Variants in CARMIL1 observed in about 807,000 individuals in gnomAD.
CARMIL1 encodes F-actin-uncapping protein LRRC16A.
In CARMIL1, 90 loss-of-function variants were observed where a neutral mutation model predicts 177.1. The observed-to-expected ratio is 0.51, with a 90% confidence interval of 0.43 to 0.61. The LOEUF (loss-of-function observed/expected upper bound fraction) is 0.61, where lower values mean the gene tolerates loss of function less well. CARMIL1 is among the 20% of genes least tolerant of loss of function. The pLI is 0.00. For synonymous variants in CARMIL1, 577 were observed against 606.2 expected (o/e 0.95, Z 0.71); for missense variants, 1,380 against 1,667.0 (o/e 0.83, Z 3.00).
rs569021467 is a variant in CARMIL1, at chr6:25,433,453, A to G, written c.250-2030A>G. The stretch of plus-strand genomic sequence containing the variant: ...AAGTGTCTGGCTTTTAAAAACATGC[A>G]TATGCACAGATATGTGCATATGAAA... On this transcript the variant is annotated intron_variant, in intron 4 of 36. Transcript: ENST00000329474. Among the ~76,000 whole-genome samples the G allele has an allele frequency of 1.2e-3, 182 of 152,340 alleles. 1 individual carries two copies. The highest frequency in any genetic ancestry group is 4.2e-3 in the African/African-American group (174 of 41,584).
chr6:25,593,839 A>G (rs2151290961), intron 31 of CARMIL1, among the ~76,000 whole-genome samples: 1 of 152,296 alleles, frequency 6.6e-6, no homozygotes, highest in Middle Eastern at 3.4e-3. Flanking sequence ...CACCAGGATT[A>G]TATCCCACTC....
At chr6:25,579,033 T>G (rs1812869606) in intron 29 of CARMIL1, among the ~76,000 whole-genome samples, 1 of 151,846 alleles carries the variant, frequency 6.6e-6, no homozygotes. Context: ...TATTCACAGA[T>G]GGACATGAGT....
intron 12 of CARMIL1, among the ~76,000 whole-genome samples, chr6:25,483,978 G>A (rs995956100): frequency 2.6e-5 from 4 of 151,848 alleles, no homozygotes; most frequent in African/African-American, 7.3e-5. Flanking sequence ...GGCCAGTCTC[G>A]AACTCCTGAG....
At chr6:25,593,849 C>T (rs1379200947) in intron 31 of CARMIL1, among the ~76,000 whole-genome samples, 1 of 152,188 alleles carries the variant, frequency 6.6e-6, no homozygotes, top group South Asian at 2.1e-4. Flanking sequence ...ATATCCCACT[C>T]CCATGCCTGT....
At chr6:25,366,603 G>C (rs1434570246) in intron 2 of CARMIL1, among the ~76,000 whole-genome samples, 1 of 150,694 alleles carries the variant, frequency 6.6e-6, no homozygotes, top group Non-Finnish European at 1.5e-5. Context: ...GCTCACTGCT[G>C]TATATCCAAC....
chr6:25,539,730 A>G (rs759444083), intron 25 of CARMIL1, among the ~76,000 whole-genome samples: 2 of 151,796 alleles, frequency 1.3e-5, no homozygotes, highest in Non-Finnish European at 2.9e-5. Context: ...AAAGTCTCCT[A>G]ATACCCAGTC....
chr6:25,433,953 T>TAATG (rs1206219438), intron 4 of CARMIL1, among the ~76,000 whole-genome samples: 1 of 152,250 alleles, frequency 6.6e-6, no homozygotes, highest in Non-Finnish European at 1.5e-5. Context: ...AAAACTGCAT[T>TAATG]GCACATTATA....
intron 35 of CARMIL1, among the ~76,000 whole-genome samples, chr6:25,608,801 G>A (rs866673597): frequency 2.2e-4 from 33 of 152,200 alleles, no homozygotes; most frequent in South Asian, 6.2e-4. Flanking sequence ...TGAAGAGAAC[G>A]TGGCTGTAGA....
chr6:25,371,936 GAGAT>G (rs1562048851), intron 2 of CARMIL1, among the ~76,000 whole-genome samples: 1 of 152,098 alleles, frequency 6.6e-6, no homozygotes, highest in Non-Finnish European at 1.5e-5. Context: ...TATATGGTGA[GAGAT>G]AGGGATCCAG....
intron 31 of CARMIL1, among the ~76,000 whole-genome samples, chr6:25,584,979 C>A (rs1251436942): frequency 6.6e-6 from 1 of 152,192 alleles, no homozygotes; most frequent in Admixed American, 6.5e-5. Context: ...GTTGTTTTCC[C>A]TTAGGGACTG....
At chr6:25,563,408 G>A (rs1811301639) in intron 29 of CARMIL1, 1 of 985,244 alleles carries the variant, frequency 1.0e-6, no homozygotes. Flanking sequence ...TGTAATTCTT[G>A]TCTGTATATA....
intron 16 of CARMIL1, among the ~76,000 whole-genome samples, chr6:25,496,231 A>C (rs1172014303): frequency 6.6e-6 from 1 of 152,072 alleles, no homozygotes. Flanking sequence ...TAATCTCAGC[A>C]CTCTGGGAGG....
chr6:25,297,056 T>C (rs1053586326), intron 2 of CARMIL1, among the ~76,000 whole-genome samples: 4 of 152,354 alleles, frequency 2.6e-5, no homozygotes, highest in Middle Eastern at 3.4e-3. Flanking sequence ...GCCTCCTGAG[T>C]GTCTGAGACT....
In CARMIL1 at chr6:25,326,472, A is replaced by G. The variant is rs746221277; in HGVS notation, c.138+41563A>G. On this transcript the variant is annotated intron_variant, in intron 2 of 36. Coordinates refer to ENST00000329474, the MANE Select transcript of CARMIL1 (RefSeq NM_017640.6). The surrounding 1 kb of genome is among the most constrained non-coding windows in gnomAD (Gnocchi z 4.2). ...CTGAGGCTTCTAAGTAGAGCATTAC[A>G]CTGTTAACAGTAGTGGGAGTGAGAG... Among the ~76,000 whole-genome samples the G allele has an allele frequency of 1.3e-5, 2 of 152,214 alleles. No individual in the cohort carries two copies. The highest frequency in any genetic ancestry group is 2.9e-5 in the Non-Finnish European group (2 of 68,034).
intron 29 of CARMIL1, among the ~76,000 whole-genome samples, chr6:25,566,056 T>C (rs771613598): frequency 1.1e-4 from 16 of 152,174 alleles, no homozygotes; most frequent in Admixed American, 1.0e-3. Flanking sequence ...AGCCTCAATC[T>C]CTCTTGTTCT....
At chr6:25,447,172 T>C (rs1798315585) in intron 5 of CARMIL1, among the ~76,000 whole-genome samples, 1 of 152,170 alleles carries the variant, frequency 6.6e-6, no homozygotes, top group African/African-American at 2.4e-5. Context: ...GCCACAAAGC[T>C]TCAATTGGCA....
intron 2 of CARMIL1, among the ~76,000 whole-genome samples, chr6:25,300,393 G>A (rs1368722146): frequency 2.6e-5 from 4 of 152,184 alleles, no homozygotes; most frequent in East Asian, 1.9e-4. Flanking sequence ...CAGGCCAAGC[G>A]TGGTGGCTCA....
At chr6:25,492,075 GAAAAGTTGTAGTGAT>G in intron 15 of CARMIL1, 51 bp downstream of exon 15, 1 of 1,507,028 alleles carries the variant, frequency 6.6e-7, no homozygotes, top group Non-Finnish European at 9.2e-7. Flanking sequence ...CTTCTTCTGA[GAAAAGTTGTAGTGAT>G]AAGGAAAACA....
In CARMIL1 at chr6:25,620,101, C is replaced by T. The variant is rs1224370034; in HGVS notation, c.*518C>T. 1 of 152,614 alleles carries T rather than the reference C, an allele frequency of 6.6e-6. No individual in the cohort carries two copies. The highest frequency in any genetic ancestry group is 1.5e-5 in the Non-Finnish European group (1 of 68,070). The allele number at this position is 152,614 out of a possible 1,614,324, so 9.5% of individuals were successfully genotyped here. On this transcript the variant is annotated 3_prime_UTR_variant, in exon 37 of 37. Coordinates refer to ENST00000329474, the MANE Select transcript of CARMIL1 (RefSeq NM_017640.6). The stretch of plus-strand genomic sequence containing the variant: ...ACATTGTAATTATATTAACAGAGCA[C>T]ACTAATAATTTGTATAGATTATATA...
Sources: allele counts gnomAD v4.1 joint callset (sites outside exome capture counted in the v4.1 genomes callset), GRCh38; gene constraint gnomAD v4.1.1; non-coding constraint Gnocchi (gnomAD v3.1); transcripts MANE v1.5; gene names NCBI Gene and HGNC (gene_info 2026-07-23, HGNC 2026-07-21).